RASAL2: variants seen among roughly 807,000 people sequenced by gnomAD.
RASAL2 encodes the protein RAS protein activator like 2.
A neutral mutation model predicts 128.9 loss-of-function variants in RASAL2; 58 were observed. That is an observed-to-expected ratio of 0.45 (90% CI 0.36 to 0.56). RASAL2 has a LOEUF of 0.56. Among genes scored for constraint, RASAL2 ranks in the 20% least tolerant of loss-of-function variants. RASAL2 has a pLI of 0.00. For missense variants in RASAL2, 1,360 were observed against 1,601.6 expected (o/e 0.85, Z 2.57); for synonymous variants, 561 against 580.8 (o/e 0.97, Z 0.49).
intron 5 of RASAL2, among the ~76,000 whole-genome samples, chr1:178,420,851 A>G (rs1675098932): frequency 1.3e-5 from 2 of 152,202 alleles, no homozygotes; most frequent in South Asian, 4.1e-4. Flanking sequence ...AACTAATTTC[A>G]GAGTCAGTTA....
intron 4 of RASAL2, among the ~76,000 whole-genome samples, chr1:178,403,486 G>A (rs867621610): frequency 2.0e-5 from 3 of 152,192 alleles, no homozygotes; most frequent in Admixed American, 6.5e-5. Context: ...ATAGGTCAAG[G>A]TAGGGGAAAA....
At chr1:178,339,792 G>A (rs1004653990) in intron 3 of RASAL2, among the ~76,000 whole-genome samples, 4 of 152,170 alleles carry the variant, frequency 2.6e-5, no homozygotes, top group Non-Finnish European at 5.9e-5. Context: ...CTTAATAAAT[G>A]TTTGTATTAG....
At position 178,094,302 on chromosome 1, in the gene RASAL2, G is replaced by A. The variant is rs1571461426; in HGVS notation, c.-191G>A. ...CCTGGGTCCCGCCCGCCGACTGCAG[G>A]TGGGCTGCATCGCCCGAGCCTCGGG... On this transcript the variant is annotated 5_prime_UTR_variant, in exon 1 of 18. In the 5' UTR this introduces an upstream ATG that the reference lacks. Coordinates refer to ENST00000367649, the MANE Select transcript of RASAL2 (RefSeq NM_170692.4). The A allele has an allele frequency of 3.5e-6, 2 of 567,142 alleles. No homozygotes were observed. Among genetic ancestry groups the A allele is most frequent in the Non-Finnish European group, 6.0e-6 (2 of 333,622 alleles). The allele number at this position is 567,142 out of a possible 1,614,324, so 35.1% of individuals were successfully genotyped here.
intron 5 of RASAL2, among the ~76,000 whole-genome samples, chr1:178,430,944 A>ACACACACACACACC (rs145043848): frequency 3.4e-5 from 5 of 147,288 alleles, no homozygotes; most frequent in African/African-American, 1.3e-4. Context: ...ACACACACAC[A>ACACACACACACACC]CCCCTCTTAT....
chr1:178,164,286 TTCAGG>T (rs1661435586), intron 1 of RASAL2, among the ~76,000 whole-genome samples: 1 of 152,140 alleles, frequency 6.6e-6, no homozygotes, highest in African/African-American at 2.4e-5. Context: ...CTTTTCTGAG[TTCAGG>T]ACTCCAATTA....
At position 178,460,789 on chromosome 1, in the gene RASAL2, T is replaced by C. The variant is rs188624300; in HGVS notation, c.3252+2245T>C. On this transcript the variant is annotated intron_variant, in intron 14 of 17. Coordinates refer to ENST00000367649, the MANE Select transcript of RASAL2 (RefSeq NM_170692.4). Reference sequence around the variant, plus strand: ...TACACTGGCTTTTGGTTCATTGTTTTGAACTTACATTGTTAGTTTTTTATT... The same window carrying C: ...TACACTGGCTTTTGGTTCATTGTTTCGAACTTACATTGTTAGTTTTTTATT... 4.1e-3 allele frequency among the ~76,000 whole-genome samples: 631 copies of C among 152,290 alleles called. 8 individuals are homozygous for C. Among genetic ancestry groups the C allele is most frequent in the South Asian group, 0.015 (71 of 4,818 alleles).
intron 4 of RASAL2, among the ~76,000 whole-genome samples, chr1:178,414,809 C>A (rs996756627): frequency 6.6e-6 from 1 of 152,082 alleles, no homozygotes; most frequent in Non-Finnish European, 1.5e-5. Flanking sequence ...TTCATATTGT[C>A]TATTTCTTCC....
chr1:178,296,077 G>C (rs1041755004), intron 2 of RASAL2, among the ~76,000 whole-genome samples: 3 of 151,156 alleles, frequency 2.0e-5, no homozygotes, highest in African/African-American at 7.4e-5. Flanking sequence ...ATATGTATGT[G>C]TATATATGTG....
At chr1:178,311,909 AAT>A (rs1461232051) in intron 3 of RASAL2, among the ~76,000 whole-genome samples, 3 of 152,198 alleles carry the variant, frequency 2.0e-5, no homozygotes, top group Admixed American at 2.0e-4. Context: ...ACTTTAAAAA[AAT>A]GATTGATATC....
At chr1:178,193,882 A>G (rs1255666685) in intron 1 of RASAL2, among the ~76,000 whole-genome samples, 2 of 152,206 alleles carry the variant, frequency 1.3e-5, no homozygotes, top group Non-Finnish European at 2.9e-5. Flanking sequence ...GTAGATACCA[A>G]CTAGACTTTT....
intron 2 of RASAL2, among the ~76,000 whole-genome samples, chr1:178,293,718 T>G (rs1038626647): frequency 2.6e-5 from 4 of 152,252 alleles, no homozygotes; most frequent in Non-Finnish European, 4.4e-5. Context: ...TGAACTATTT[T>G]AAGGTTTGGG....
chr1:178,125,087 G>C (rs1659848576), intron 1 of RASAL2, among the ~76,000 whole-genome samples: 2 of 152,138 alleles, frequency 1.3e-5, no homozygotes, highest in African/African-American at 2.4e-5. Flanking sequence ...CCAAACATCA[G>C]TTAGAAAAAG....
At chr1:178,116,556 A>G (rs1428371012) in intron 1 of RASAL2, among the ~76,000 whole-genome samples, 2 of 152,038 alleles carry the variant, frequency 1.3e-5, no homozygotes, top group Non-Finnish European at 2.9e-5. Flanking sequence ...AGGAGGAACT[A>G]CTTCAGTTAA....
intron 1 of RASAL2, among the ~76,000 whole-genome samples, chr1:178,113,382 G>A (rs1659405764): frequency 6.6e-6 from 1 of 151,682 alleles, no homozygotes; most frequent in African/African-American, 2.4e-5. Context: ...GATCATTACT[G>A]TAGCTTTGAA....
chr1:178,463,199 CT>C (rs533991654), intron 14 of RASAL2, among the ~76,000 whole-genome samples: 13 of 152,244 alleles, frequency 8.5e-5, no homozygotes, highest in Admixed American at 7.8e-4. Context: ...ACAAATCCCT[CT>C]ATTTAATTAT....
intron 5 of RASAL2, among the ~76,000 whole-genome samples, chr1:178,423,874 T>C (rs1251103920): frequency 1.3e-5 from 2 of 152,222 alleles, no homozygotes; most frequent in African/African-American, 4.8e-5. Context: ...GCACTTTTTA[T>C]TACTACGGAT....
chr1:178,466,118 A>G lies in RASAL2; in HGVS notation c.3586A>G (p.Ser1196Gly). The change falls in exon 16 of 18, where the codon AGC becomes GGC. Residue 1196 changes from serine (S) to glycine (G), a missense_variant. Coordinates refer to ENST00000367649, the MANE Select transcript of RASAL2 (RefSeq NM_170692.4). ...EKDSQMKSII[S>G]RLMAVEEELK... ...AGATAGCCAGATGAAAAGCATCATCAGCAGGTTAGACATCACCTGGCAGCA... is the reference window on the plus strand; with the variant it reads ...AGATAGCCAGATGAAAAGCATCATCGGCAGGTTAGACATCACCTGGCAGCA... 1.9e-6 allele frequency: 3 copies of G among 1,555,932 alleles called. No individual in the cohort carries two copies. Among genetic ancestry groups the G allele is most frequent in the South Asian group, 2.4e-5 (2 of 84,010 alleles).
At chr1:178,153,769 GTTT>G (rs982949052) in intron 1 of RASAL2, among the ~76,000 whole-genome samples, 3 of 150,016 alleles carry the variant, frequency 2.0e-5, no homozygotes, top group Admixed American at 2.0e-4. Context: ...GCAGACACAA[GTTT>G]TTTTTTTCTT....
chr1:178,230,356 T>G (rs1663952994), intron 1 of RASAL2, among the ~76,000 whole-genome samples: 1 of 152,228 alleles, frequency 6.6e-6, no homozygotes, highest in Non-Finnish European at 1.5e-5. Flanking sequence ...GCTTAACTTT[T>G]TTTAAAAAAC....
Sources: gnomAD v4.1 joint callset for allele counts (sites outside exome capture counted in the v4.1 genomes callset) on GRCh38, gnomAD v4.1.1 for gene constraint, MANE v1.5 for transcripts, NCBI Gene and HGNC (gene_info 2026-07-23, HGNC 2026-07-21) for gene names.